CACNG5: variants seen among roughly 807,000 people sequenced by gnomAD.
The protein encoded by CACNG5 is voltage-dependent calcium channel gamma-5 subunit.
A neutral mutation model predicts 24.8 loss-of-function variants in CACNG5; 18 were observed. The observed-to-expected ratio is 0.73, with a 90% confidence interval of 0.50 to 1.08. CACNG5 has a LOEUF of 1.08. Among genes scored for constraint, CACNG5 ranks in the 50% least tolerant of loss-of-function variants. CACNG5 has a pLI of 0.00. For missense variants in CACNG5, 349 were observed against 367.9 expected (o/e 0.95, Z 0.42); for synonymous variants, 157 against 149.1 (o/e 1.05, Z -0.39).
At chr17:66,879,483 C>T (rs1421086033) in intron 3 of CACNG5, among the ~76,000 whole-genome samples, 2 of 152,196 alleles carry the variant, frequency 1.3e-5, no homozygotes, top group African/African-American at 4.8e-5. Flanking sequence ...GTTCAGAGGT[C>T]CCTGGCCTCC....
chr17:66,870,949 C>T (rs968776484), intron 1 of CACNG5, among the ~76,000 whole-genome samples: 2 of 151,704 alleles, frequency 1.3e-5, no homozygotes, highest in Non-Finnish European at 2.9e-5. Context: ...CATTGCACCT[C>T]CAGCCTGGAT....
In CACNG5 at chr17:66,882,889, G is replaced by T. The variant is rs545134293; in HGVS notation, c.425-1627G>T. Reference sequence around the variant, plus strand: ...TCTTGTCAACGTAGCTTGGGAGCCAGGTGGCAGTCAGAAAGTCTGATGTCC... The same window carrying T: ...TCTTGTCAACGTAGCTTGGGAGCCATGTGGCAGTCAGAAAGTCTGATGTCC... On this transcript the variant is annotated intron_variant, in intron 4 of 5. Coordinates refer to ENST00000533854, the MANE Select transcript of CACNG5 (RefSeq NM_145811.3). 3.9e-5 allele frequency among the ~76,000 whole-genome samples: 6 copies of T among 152,212 alleles called. No individual in the cohort carries two copies. The South Asian group carries it at 1.2e-3, about 32-fold the overall frequency.
intron 1 of CACNG5, among the ~76,000 whole-genome samples, chr17:66,844,862 A>G (rs778865427): frequency 3.3e-5 from 5 of 152,322 alleles, no homozygotes; most frequent in Non-Finnish European, 7.4e-5. Flanking sequence ...CAGGAGCCCC[A>G]TGTTCTTTCT....
intron 1 of CACNG5, among the ~76,000 whole-genome samples, chr17:66,867,127 A>T (rs1976940444): frequency 6.6e-6 from 1 of 152,150 alleles, no homozygotes; most frequent in Non-Finnish European, 1.5e-5. Flanking sequence ...CCTTGCCAGC[A>T]TCTATTGTTT....
chr17:66,885,147 C>T lies in CACNG5; in HGVS notation c.735C>T (p.Asp245=), dbSNP rs373980014. 1.9e-6 allele frequency: 3 copies of T among 1,613,802 alleles called. No individual in the cohort carries two copies. ...GGGTCAGGGGCCGCAGCCCCTCCGA[C>T]ATCTCCAGCGAGGCCTCCCTGCAGA... ...DAWVRGRSPS[D]ISSEASLQMN... The change falls in exon 6 of 6, where the codon GAC becomes GAT. Residue 245 remains aspartate (D), a synonymous_variant. Transcript: ENST00000533854.
chr17:66,876,283 C>A (rs1977076665), intron 1 of CACNG5, among the ~76,000 whole-genome samples: 1 of 152,214 alleles, frequency 6.6e-6, no homozygotes, highest in African/African-American at 2.4e-5. Flanking sequence ...TCTCTTGGAG[C>A]AGCACCAGGG....
At chr17:66,853,606 A>C (rs1293089575) in intron 1 of CACNG5, among the ~76,000 whole-genome samples, 2 of 152,236 alleles carry the variant, frequency 1.3e-5, no homozygotes, top group East Asian at 3.8e-4. Flanking sequence ...AAACAGATTA[A>C]GAGTATATAT....
intron 1 of CACNG5, among the ~76,000 whole-genome samples, chr17:66,835,455 CGT>C (rs1369304796): frequency 6.6e-6 from 1 of 152,170 alleles, no homozygotes; most frequent in African/African-American, 2.4e-5. Flanking sequence ...TGCGCGTGTG[CGT>C]GTGTCTGTCT....
Position 66,882,693 on chromosome 17 carries a change from G to A in CACNG5, c.425-1823G>A, listed in dbSNP as rs188624470. 3.6e-4 allele frequency among the ~76,000 whole-genome samples: 55 copies of A among 152,214 alleles called. 1 individual carries two copies. Among genetic ancestry groups the A allele is most frequent in the Non-Finnish European group, 5.0e-4 (34 of 68,024 alleles). The stretch of plus-strand genomic sequence containing the variant: ...GACTGGTTAGGGATCCTGGGGAGAA[G>A]ATGCTTGGATGGAAAATGGATGGGT... On this transcript the variant is annotated intron_variant, in intron 4 of 5. Coordinates refer to ENST00000533854, the MANE Select transcript of CACNG5 (RefSeq NM_145811.3).
chr17:66,846,787 A>G (rs1976642792), intron 1 of CACNG5, among the ~76,000 whole-genome samples: 1 of 152,164 alleles, frequency 6.6e-6, no homozygotes, highest in African/African-American at 2.4e-5. Context: ...TATCCCTAGG[A>G]GTGGGGTTAC....
Position 66,886,497 on chromosome 17 carries a change from G to A in CACNG5, c.*1257G>A, listed in dbSNP as rs1977262968. On this transcript the variant is annotated 3_prime_UTR_variant, in exon 6 of 6. Transcript: ENST00000533854. Reference sequence around the variant, plus strand: ...CCTCCGTAAGTCCACAGAAGCCACTGCAAGCCATGCCCCCCTTCAGCTCTC... The same window carrying A: ...CCTCCGTAAGTCCACAGAAGCCACTACAAGCCATGCCCCCCTTCAGCTCTC... Among the ~76,000 whole-genome samples, 1 of 152,192 alleles carries A rather than the reference G, an allele frequency of 6.6e-6. No individual in the cohort carries two copies. The highest frequency in any genetic ancestry group is 2.4e-5 in the African/African-American group (1 of 41,440).
chr17:66,841,006 A>G (rs1199339353), intron 1 of CACNG5, among the ~76,000 whole-genome samples: 1 of 152,204 alleles, frequency 6.6e-6, no homozygotes, highest in Admixed American at 6.5e-5. Context: ...TATCTGAGAC[A>G]GGTCTCAGTT....
At chr17:66,874,643 CCTT>C in intron 1 of CACNG5, among the ~76,000 whole-genome samples, 1 of 152,306 alleles carries the variant, frequency 6.6e-6, no homozygotes, top group East Asian at 1.9e-4. Context: ...ACCCCAGACA[CCTT>C]CTGCTAGGCA....
chr17:66,865,873 C>T (rs2143085890), intron 1 of CACNG5, among the ~76,000 whole-genome samples: 1 of 150,596 alleles, frequency 6.6e-6, no homozygotes, highest in Non-Finnish European at 1.5e-5. Context: ...GATCTCCTGA[C>T]CTCGTGATCC....
At chr17:66,857,100 C>T (rs1428553613) in intron 1 of CACNG5, among the ~76,000 whole-genome samples, 2 of 106,974 alleles carry the variant, frequency 1.9e-5, no homozygotes, top group Non-Finnish European at 3.4e-5. Context: ...GATAAGGTCT[C>T]ACTCTGTCAC....
At position 66,885,029 on chromosome 17, in the gene CACNG5, C is replaced by T. The variant is rs149774604; in HGVS notation, c.617C>T (p.Ala206Val). ...SVYLFMKRYT[A>V]EDMYRPHPGF... is the part of the protein sequence containing the mutation. ...TACCTGTTTATGAAGCGGTACACCG[C>T]GGAGGACATGTACAGGCCCCACCCT... The change falls in exon 6 of 6, where the codon GCG (alanine) becomes GTG (valine). Residue 206 changes from alanine to valine, a missense_variant. Ala to Val is a moderately conservative substitution (Grantham distance 64, BLOSUM62 0). Coordinates refer to ENST00000533854, the MANE Select transcript of CACNG5 (RefSeq NM_145811.3). The T allele has an allele frequency of 4.2e-4, 684 of 1,614,150 alleles. 3 individuals carry two copies. In the African/African-American group the frequency reaches 8.0e-3, roughly 19 times the overall value.
At chr17:66,860,082 AAGTG>A (rs1976833152) in intron 1 of CACNG5, among the ~76,000 whole-genome samples, 1 of 152,160 alleles carries the variant, frequency 6.6e-6, no homozygotes, top group African/African-American at 2.4e-5. Flanking sequence ...TGTTTTTCAG[AAGTG>A]AGAGTTTTCA....
Position 66,885,136 on chromosome 17 carries a change from A to G in CACNG5, c.724A>G (p.Ser242Gly). 1 of 1,613,938 alleles carries G rather than the reference A, an allele frequency of 6.2e-7. No homozygotes were observed. The highest frequency in any genetic ancestry group is 2.2e-5 in the East Asian group (1 of 44,868). ...LHPDAWVRGR[S>G]PSDISSEASL... is the part of the protein sequence containing the mutation. Reference sequence around the variant, plus strand: ...CCCAGACGCCTGGGTCAGGGGCCGCAGCCCCTCCGACATCTCCAGCGAGGC... The same window carrying G: ...CCCAGACGCCTGGGTCAGGGGCCGCGGCCCCTCCGACATCTCCAGCGAGGC... The change falls in exon 6 of 6, where the codon AGC becomes GGC. Residue 242 changes from serine (S) to glycine (G), a missense_variant. Physicochemically the swap from Ser to Gly is moderately conservative, Grantham distance 56 (BLOSUM62 0). Coordinates refer to ENST00000533854, the MANE Select transcript of CACNG5 (RefSeq NM_145811.3).
intron 1 of CACNG5, among the ~76,000 whole-genome samples, chr17:66,846,701 G>A (rs1364414391): frequency 2.0e-5 from 3 of 152,126 alleles, no homozygotes; most frequent in Non-Finnish European, 2.9e-5. Flanking sequence ...TCCGTCTTTG[G>A]ACTTATGAAT....
Sources: allele counts gnomAD v4.1 joint callset (sites outside exome capture counted in the v4.1 genomes callset), GRCh38; gene constraint gnomAD v4.1.1; transcripts MANE v1.5; gene names NCBI Gene and HGNC (gene_info 2026-07-23, HGNC 2026-07-21).